NDUFAF6: variants seen among roughly 807,000 people sequenced by gnomAD.
NDUFAF6 encodes NADH dehydrogenase (ubiquinone) complex I, assembly factor 6.
NDUFAF6 carries 45 observed loss-of-function variants against 40.8 expected under a neutral mutation model. That is an observed-to-expected ratio of 1.10 (90% confidence interval 0.87 to 1.42). The LOEUF is 1.42. Among genes scored for constraint, NDUFAF6 ranks in the 40% most tolerant of loss-of-function variants. NDUFAF6 has a pLI of 0.00. For missense variants in NDUFAF6, 435 were observed against 418.5 expected (o/e 1.04, Z -0.34); for synonymous variants, 185 against 155.9 (o/e 1.19, Z -1.39).
At chr8:95,116,479 A>G (rs369766768), downstream of NDUFAF6, 1 of 152,198 alleles carries the variant, frequency 6.6e-6, no homozygotes, top group Non-Finnish European at 1.5e-5. Context: ...CAGCCCCCCA[A>G]GTAGCTGGGA....
At position 95,052,248 on chromosome 8, in the gene NDUFAF6, G is replaced by T. The variant is rs752705677; in HGVS notation, c.873+18G>T. On this transcript the variant is annotated intron_variant, in intron 8 of 8. Coordinates refer to ENST00000396124, the MANE Select transcript of NDUFAF6 (RefSeq NM_152416.4). ...TTCAGACGGTAAGTAGATTAACAGA[G>T]AAGGCTGTATAATTAGTGAAGCAGA... is the stretch of plus-strand genomic sequence containing the variant. 3.1e-6 allele frequency: 5 copies of T among 1,611,480 alleles called. No individual in the cohort carries two copies. In the South Asian group the frequency reaches 5.5e-5, roughly 18 times the overall value.
chr8:95,019,571 G>GAAAAAAA (rs558737800), intron 2 of NDUFAF6, among the ~76,000 whole-genome samples: 1 of 151,570 alleles, frequency 6.6e-6, no homozygotes, highest in Non-Finnish European at 1.5e-5. Flanking sequence ...AAAGATAAGA[G>GAAAAAAA]AAAAAAAACC....
intron 2 of NDUFAF6, among the ~76,000 whole-genome samples, chr8:95,094,504 C>T (rs1192625189): frequency 1.3e-5 from 2 of 150,660 alleles, no homozygotes; most frequent in African/African-American, 4.9e-5. Context: ...CCTCTGCCTC[C>T]AGGATTCAAG....
At chr8:95,023,131 C>A (rs752456190), upstream of NDUFAF6, 42 of 152,228 alleles carry the variant, frequency 2.8e-4, no homozygotes, top group Non-Finnish European at 5.0e-4. Flanking sequence ...AAGAATATTT[C>A]ATATGTAGTA....
chr8:94,918,805 CTG>C (rs1819306363), intron 1 of NDUFAF6, among the ~76,000 whole-genome samples: 1 of 152,212 alleles, frequency 6.6e-6, no homozygotes. Flanking sequence ...AACCCATTCC[CTG>C]TGTTTTACCT....
intron 1 of NDUFAF6, among the ~76,000 whole-genome samples, chr8:94,904,320 C>CTTTTTTTTTTTTTTTTTTTTTTTTTTTTT (rs57749627): frequency 5.9e-5 from 2 of 34,138 alleles, no homozygotes; most frequent in African/African-American, 3.0e-4. Context: ...ATTTTTTTTG[C>CTTTTTTTTTTTTTTTTTTTTTTTTTTTTT]TTTTTTTTTT....
downstream of NDUFAF6, among the ~76,000 whole-genome samples, chr8:95,079,736 A>G (rs1449402668): frequency 2.0e-5 from 3 of 149,422 alleles, no homozygotes; most frequent in Non-Finnish European, 4.4e-5. Flanking sequence ...TTTTTTTGAG[A>G]CAGGGTCTTG....
At chr8:94,909,268 G>A (rs1313288412) in intron 1 of NDUFAF6, among the ~76,000 whole-genome samples, 1 of 148,054 alleles carries the variant, frequency 6.8e-6, no homozygotes. Flanking sequence ...AGAATAGCTT[G>A]AACCTGGGAG....
At chr8:95,110,161 T>A (rs1248687917) in intron 4 of NDUFAF6, among the ~76,000 whole-genome samples, 1 of 152,186 alleles carries the variant, frequency 6.6e-6, no homozygotes, top group Admixed American at 6.5e-5. Context: ...GAGAGATGGT[T>A]GGAGGAGCAA....
chr8:94,897,760 C>G (rs1410105699), intron 1 of NDUFAF6, among the ~76,000 whole-genome samples: 1 of 139,040 alleles, frequency 7.2e-6, no homozygotes, highest in African/African-American at 2.6e-5. Flanking sequence ...GATCCTTTTC[C>G]CTGTGCTACA....
intron 6 of NDUFAF6, 55 bp from the exon 7 acceptor site, chr8:95,048,402 C>A: frequency 1.6e-6 from 2 of 1,226,260 alleles, no homozygotes; most frequent in Non-Finnish European, 2.4e-6. Context: ...CCTAGGTGAA[C>A]TGTTGGAAGG....
chr8:94,968,061 T>C (rs1824163146), intron 1 of NDUFAF6, among the ~76,000 whole-genome samples: 1 of 152,178 alleles, frequency 6.6e-6, no homozygotes, highest in Admixed American at 6.5e-5. Flanking sequence ...CGCTGCTGGC[T>C]ACTGGCCAGA....
At chr8:95,108,016 T>C (rs1809890716), downstream of NDUFAF6, among the ~76,000 whole-genome samples, 1 of 152,148 alleles carries the variant, frequency 6.6e-6, no homozygotes, top group Non-Finnish European at 1.5e-5. Flanking sequence ...TTCACACCCA[T>C]TAGGATGGCT....
intron 1 of NDUFAF6, chr8:94,939,941 A>G: frequency 1.2e-6 from 2 of 1,614,168 alleles, no homozygotes; most frequent in Non-Finnish European, 1.7e-6. Context: ...CACAGCATAG[A>G]CAGACATGCT....
At chr8:95,024,266 G>C (rs993720747), upstream of NDUFAF6, among the ~76,000 whole-genome samples, 1 of 152,230 alleles carries the variant, frequency 6.6e-6, no homozygotes, top group Non-Finnish European at 1.5e-5. Flanking sequence ...TATGTGAACT[G>C]AGGCACTTCA....
chr8:95,017,099 A>ATTT lies in NDUFAF6; in HGVS notation c.-83-14875_-83-14873dup, dbSNP rs781650429. Reference sequence around the variant, plus strand: ...AGGTGTACACTGCCATGCCCAGCTAATTTTTTTTTTTTTTTTTTTTTTTGG... The same window carrying ATTT: ...AGGTGTACACTGCCATGCCCAGCTAATTTTTTTTTTTTTTTTTTTTTTTTTTGG... On this transcript the variant is annotated intron_variant, in intron 2 of 9. Transcript: ENST00000396111. Among the ~76,000 whole-genome samples the ATTT allele has an allele frequency of 1.3e-3, 146 of 111,744 alleles. 1 individual carries two copies. Among genetic ancestry groups the ATTT allele is most frequent in the African/African-American group, 3.0e-3 (83 of 27,668 alleles). 73.3% of individuals were successfully genotyped at this position (111,744 alleles called of 152,430 possible).
At chr8:95,106,716 T>G (rs1239719471), downstream of NDUFAF6, among the ~76,000 whole-genome samples, 1 of 151,594 alleles carries the variant, frequency 6.6e-6, no homozygotes, top group African/African-American at 2.4e-5. Flanking sequence ...TGGGAGAAAA[T>G]TTTTGCAATC....
intron 8 of NDUFAF6, among the ~76,000 whole-genome samples, chr8:95,052,848 G>A (rs1322251638): frequency 3.9e-5 from 6 of 152,152 alleles, no homozygotes; most frequent in African/African-American, 7.2e-5. Context: ...TGCGTAGACA[G>A]GTTTGGGAAC....
intron 2 of NDUFAF6, chr8:94,949,070 G>C (rs1161049791): frequency 6.7e-6 from 1 of 148,340 alleles, no homozygotes; most frequent in African/African-American, 2.4e-5. Context: ...GCCCCGCCGG[G>C]CTCAGGAGCG....
Sources: gnomAD v4.1 joint callset for allele counts (sites outside exome capture counted in the v4.1 genomes callset) on GRCh38, gnomAD v4.1.1 for gene constraint, MANE v1.5 for transcripts, NCBI Gene and HGNC (gene_info 2026-07-23, HGNC 2026-07-21) for gene names.